The following PARD6G variants were observed in gnomAD, a reference collection of about 807,000 sequenced individuals.
PARD6G encodes the protein partitioning defective 6 homolog gamma.
A neutral mutation model predicts 10.7 loss-of-function variants in PARD6G; 7 were observed. The observed-to-expected ratio is 0.66, with a 90% CI of 0.37 to 1.23. The LOEUF is 1.23. Among genes scored for constraint, PARD6G ranks in the 50% most tolerant of loss-of-function variants. The pLI, the probability that PARD6G is intolerant of heterozygous loss-of-function variation, is 0.02. For missense variants in PARD6G, 548 were observed against 571.8 expected, an observed-to-expected ratio of 0.96 and a Z score of 0.42; for synonymous variants, 287 against 269.4, an observed-to-expected ratio of 1.07 and a Z score of -0.64.
intron 2 of PARD6G, among the ~76,000 whole-genome samples, chr18:80,177,561 C>A (rs1244312290): frequency 6.7e-6 from 1 of 149,642 alleles, no homozygotes; most frequent in Non-Finnish European, 1.5e-5. Context: ...CAGGATAAAT[C>A]ACAGCCCAAA....
chr18:80,204,343 A>C (rs757946490), intron 1 of PARD6G, among the ~76,000 whole-genome samples: 1 of 152,136 alleles, frequency 6.6e-6, no homozygotes, highest in Non-Finnish European at 1.5e-5. Flanking sequence ...AGAGTTCTGG[A>C]TTTGACTGTG....
chr18:80,164,105 G>A (rs1409876782), intron 2 of PARD6G, among the ~76,000 whole-genome samples: 1 of 152,146 alleles, frequency 6.6e-6, no homozygotes, highest in Non-Finnish European at 1.5e-5. Context: ...GAACACGTGT[G>A]GACAATAACT....
chr18:80,203,438 A>T (rs897424750), intron 1 of PARD6G, among the ~76,000 whole-genome samples: 1 of 152,204 alleles, frequency 6.6e-6, no homozygotes, highest in Non-Finnish European at 1.5e-5. Context: ...TCGCTCATCC[A>T]CAGAGACCCA....
rs1488718911 is a variant in PARD6G at position 80,228,318 on chromosome 18, G to A, written c.72+18959C>T. ...GGGAGGTGAGCGGAGGGGAGGCCAG[G>A]GGAGGGGAGTTCCCGGACACACGGT... On this transcript the variant is annotated intron_variant, in intron 1 of 2. Coordinates refer to ENST00000353265, the MANE Select transcript of PARD6G (RefSeq NM_032510.4). The surrounding 1 kb of genome is among the most constrained non-coding windows in gnomAD (Gnocchi z 4.6). Among the ~76,000 whole-genome samples the A allele has an allele frequency of 1.3e-5, 2 of 152,076 alleles. No homozygotes were observed. The highest frequency in any genetic ancestry group is 1.9e-4 in the East Asian group (1 of 5,182).
intron 2 of PARD6G, among the ~76,000 whole-genome samples, chr18:80,197,998 C>T (rs930420502): frequency 6.6e-5 from 10 of 152,168 alleles, no homozygotes; most frequent in African/African-American, 2.4e-4. Context: ...TGTCATGTGT[C>T]CAAGGGAAAA....
chr18:80,229,949 C>T (rs1025400184), intron 1 of PARD6G, among the ~76,000 whole-genome samples: 7 of 152,170 alleles, frequency 4.6e-5, no homozygotes, highest in Admixed American at 1.3e-4. Context: ...GGCTCCAGGA[C>T]GTGCTGGGGG....
chr18:80,187,517 A>G lies in PARD6G; in HGVS notation c.295+15193T>C, dbSNP rs543439601. Among the ~76,000 whole-genome samples the G allele has an allele frequency of 1.2e-4, 19 of 152,290 alleles. No individual in the cohort carries two copies. The South Asian group carries it at 3.9e-3, about 32-fold the overall frequency. On this transcript the variant is annotated intron_variant, in intron 2 of 2. Coordinates refer to ENST00000353265, the MANE Select transcript of PARD6G (RefSeq NM_032510.4). ...CGGCTGGGCTGTTCCGGTTAGATTT[A>G]GTTGTGAATCATCGCAATTCAGGCA...
intron 2 of PARD6G, among the ~76,000 whole-genome samples, chr18:80,195,572 T>TATATATATATATATATATATATATAC (rs894731117): frequency 1.9e-4 from 17 of 87,316 alleles, no homozygotes; most frequent in African/African-American, 3.0e-4. Flanking sequence ...TATATATATA[T>TATATATATATATATATATATATATAC]ACACACATTT....
intron 2 of PARD6G, among the ~76,000 whole-genome samples, chr18:80,168,573 T>TTG (rs3051500): frequency 0.22 from 31,189 of 144,256 alleles, 3,297 homozygotes; most frequent in Middle Eastern, 0.33. Flanking sequence ...CAAATTATGT[T>TTG]TGTGTGTGTG....
At chr18:80,211,602 T>C (rs1473310340) in intron 1 of PARD6G, among the ~76,000 whole-genome samples, 1 of 152,232 alleles carries the variant, frequency 6.6e-6, no homozygotes, top group African/African-American at 2.4e-5. Context: ...GGAGGAGATA[T>C]TTGTATATCC....
chr18:80,213,973 T>G (rs1487531628), intron 1 of PARD6G, among the ~76,000 whole-genome samples: 2 of 150,926 alleles, frequency 1.3e-5, no homozygotes, highest in East Asian at 3.9e-4. Context: ...AGTTCAGTTT[T>G]GAGCAAAACT....
chr18:80,205,848 A>G (rs1346193001), intron 1 of PARD6G, among the ~76,000 whole-genome samples: 1 of 152,236 alleles, frequency 6.6e-6, no homozygotes, highest in Non-Finnish European at 1.5e-5. Flanking sequence ...ATTTCCTTGT[A>G]TCACTATATG....
chr18:80,229,586 C>G (rs190200555), intron 1 of PARD6G, among the ~76,000 whole-genome samples: 215 of 152,366 alleles, frequency 1.4e-3, no homozygotes, highest in Admixed American at 4.7e-3. Context: ...CAAATCTGCA[C>G]TCTCATGGGA....
chr18:80,230,447 C>T lies in PARD6G; in HGVS notation c.72+16830G>A, dbSNP rs540309414. Among the ~76,000 whole-genome samples the T allele has an allele frequency of 4.6e-5, 7 of 152,324 alleles. No homozygotes were observed. In the East Asian group the frequency reaches 9.6e-4, roughly 21 times the overall value. On this transcript the variant is annotated intron_variant, in intron 1 of 2. Transcript: ENST00000353265. ...GACTTCTTGGGCTGACACGTTGGGA[C>T]GGTTTAAAATCGGGCCACACACCTA...
At position 80,159,613 on chromosome 18, in the gene PARD6G, TA is replaced by T; in HGVS notation, c.*157del. 2.6e-6 allele frequency: 3 copies of T among 1,151,628 alleles called. No individual in the cohort carries two copies. Among genetic ancestry groups the T allele is most frequent in the Non-Finnish European group, 3.3e-6 (3 of 896,752 alleles). The allele number at this position is 1,151,628 out of a possible 1,614,324, so 71.3% of individuals were successfully genotyped here. ...GTTCTGTGGCGAAATTCTATAAAAA[TA>T]GGCAATACTTGTGTTTTTATATCCG... On this transcript the variant is annotated 3_prime_UTR_variant, in exon 3 of 3. Transcript: ENST00000353265.
rs972521261 is a variant in PARD6G at position 80,184,579 on chromosome 18, C to G, written c.295+18131G>C. The G allele has an allele frequency of 6.6e-6, 1 of 151,996 alleles. No individual in the cohort carries two copies. The highest frequency in any genetic ancestry group is 1.5e-5 in the Non-Finnish European group (1 of 68,022). The allele number at this position is 151,996 out of a possible 1,614,324, so 9.4% of individuals were successfully genotyped here. On this transcript the variant is annotated intron_variant, in intron 2 of 2. Coordinates refer to ENST00000353265, the MANE Select transcript of PARD6G (RefSeq NM_032510.4). This position sits in a 1 kb window ranked among gnomAD's most constrained non-coding sequence, Gnocchi z 4.5. ...TCAGAGGGAGCAAGGCCGTGAAACC[C>G]GCAGCGGGAGCGAGGCGCGGAAACA...
At chr18:80,240,717 A>G (rs1054948619) in intron 1 of PARD6G, among the ~76,000 whole-genome samples, 4 of 152,154 alleles carry the variant, frequency 2.6e-5, no homozygotes, top group African/African-American at 9.7e-5. Flanking sequence ...ATTTCAGGGG[A>G]GACTCAGCAC....
At chr18:80,220,995 C>T (rs1167310574) in intron 1 of PARD6G, among the ~76,000 whole-genome samples, 6 of 152,056 alleles carry the variant, frequency 3.9e-5, no homozygotes, top group Non-Finnish European at 1.5e-5. Flanking sequence ...TAGAAAAAGA[C>T]ACAAACTACC....
intron 1 of PARD6G, among the ~76,000 whole-genome samples, chr18:80,217,049 T>C (rs1967175417): frequency 6.6e-6 from 1 of 152,104 alleles, no homozygotes; most frequent in Non-Finnish European, 1.5e-5. Flanking sequence ...ACAGGAAATA[T>C]ACATGATGTG....
Sources: allele counts gnomAD v4.1 joint callset (sites outside exome capture counted in the v4.1 genomes callset), GRCh38; gene constraint gnomAD v4.1.1; non-coding constraint Gnocchi (gnomAD v3.1); transcripts MANE v1.5; gene names NCBI Gene and HGNC (gene_info 2026-07-23, HGNC 2026-07-21).